VPS41: variants seen among roughly 807,000 people sequenced by gnomAD.
VPS41 encodes the protein VPS41 subunit of HOPS complex.
In VPS41, 85 loss-of-function variants were observed where a neutral mutation model predicts 130.9. That is an observed-to-expected ratio of 0.65 (90% confidence interval 0.55 to 0.78). VPS41 has a LOEUF of 0.78. VPS41 is among the 30% of genes least tolerant of loss of function. The pLI is 0.00. For missense variants in VPS41, 874 were observed against 1,018.7 expected, an observed-to-expected ratio of 0.86 and a Z score of 1.93; for synonymous variants, 335 against 332.9, an observed-to-expected ratio of 1.01 and a Z score of -0.07.
intron 10 of VPS41, among the ~76,000 whole-genome samples, chr7:38,779,605 A>C (rs563126803): frequency 6.6e-6 from 1 of 152,286 alleles, no homozygotes; most frequent in Admixed American, 6.5e-5. Context: ...TTTTAGAATA[A>C]ATGGTGGTGT....
intron 12 of VPS41, 140 bp downstream of exon 12, chr7:38,773,975 G>T: frequency 1.3e-6 from 1 of 790,730 alleles, no homozygotes; most frequent in Non-Finnish European, 1.9e-6. Flanking sequence ...AAATGTCCTT[G>T]TTTTCAGCAC....
intron 2 of VPS41, among the ~76,000 whole-genome samples, chr7:38,887,728 C>A (rs1786766019): frequency 6.6e-6 from 1 of 152,116 alleles, no homozygotes; most frequent in African/African-American, 2.4e-5. Context: ...ACATAATTGT[C>A]AGATTCACCA....
chr7:38,895,537 T>C (rs1786965967), intron 2 of VPS41, among the ~76,000 whole-genome samples: 1 of 152,204 alleles, frequency 6.6e-6, no homozygotes, highest in Non-Finnish European at 1.5e-5. Flanking sequence ...TCTTGGATTT[T>C]CCTGGATAGC....
chr7:38,743,322 T>C, intron 24 of VPS41, 80 bp downstream of exon 24: 4 of 1,531,640 alleles, frequency 2.6e-6, no homozygotes, highest in Non-Finnish European at 3.6e-6. Context: ...CAATGTATCT[T>C]GAAATAGTTT....
intron 2 of VPS41, among the ~76,000 whole-genome samples, chr7:38,885,463 T>C (rs1343883749): frequency 6.6e-6 from 1 of 152,238 alleles, no homozygotes; most frequent in Non-Finnish European, 1.5e-5. Flanking sequence ...CATTTCTGTA[T>C]TATTAATCGC....
intron 25 of VPS41, among the ~76,000 whole-genome samples, chr7:38,734,667 G>T (rs867714133): frequency 6.6e-6 from 1 of 152,158 alleles, no homozygotes. Flanking sequence ...AAGTTATTAT[G>T]GTTCATTAGA....
At chr7:38,745,905 G>A in intron 22 of VPS41, 1 of 321,808 alleles carries the variant, frequency 3.1e-6, no homozygotes, top group Non-Finnish European at 5.7e-6. Context: ...TTCCCACTAA[G>A]CTTTCTCTCT....
At chr7:38,792,161 G>C (rs1448146002) in intron 9 of VPS41, among the ~76,000 whole-genome samples, 1 of 152,144 alleles carries the variant, frequency 6.6e-6, no homozygotes, top group Admixed American at 6.5e-5. Context: ...TGTGGTCTGG[G>C]CTCACCCAGC....
chr7:38,795,750 C>G (rs1033241386), intron 8 of VPS41, 139 bp from the exon 9 acceptor site: 3 of 709,690 alleles, frequency 4.2e-6, no homozygotes, highest in Non-Finnish European at 6.4e-6. Context: ...AAGGAAAATG[C>G]TCCTGCTCCA....
intron 4 of VPS41, among the ~76,000 whole-genome samples, chr7:38,834,817 A>G (rs770901021): frequency 6.6e-6 from 1 of 151,958 alleles, no homozygotes; most frequent in Non-Finnish European, 1.5e-5. Flanking sequence ...AGCTACTCAA[A>G]TGTTCTCATT....
chr7:38,829,650 A>C (rs1584416317), intron 5 of VPS41, among the ~76,000 whole-genome samples: 2 of 152,270 alleles, frequency 1.3e-5, no homozygotes. Flanking sequence ...ATCAGCAAGA[A>C]GCACTGATAA....
intron 7 of VPS41, among the ~76,000 whole-genome samples, chr7:38,809,931 A>C (rs767598227): frequency 6.6e-6 from 1 of 152,192 alleles, no homozygotes; most frequent in Non-Finnish European, 1.5e-5. Flanking sequence ...TAAAAAAAAA[A>C]ATCCAGACAA....
chr7:38,772,025 A>C (rs1048306993), intron 13 of VPS41, among the ~76,000 whole-genome samples: 7 of 152,152 alleles, frequency 4.6e-5, no homozygotes, highest in African/African-American at 1.7e-4. Flanking sequence ...GTAGCTATTA[A>C]AGTTGAAAAA....
chr7:38,850,972 T>C (rs1785841089), intron 4 of VPS41, among the ~76,000 whole-genome samples: 4 of 152,310 alleles, frequency 2.6e-5, no homozygotes, highest in African/African-American at 9.6e-5. Context: ...CAGGGAAATG[T>C]AGCAATCTGC....
Position 38,727,004 on chromosome 7 carries a change from G to A in VPS41, c.2405-16C>T. 1 of 1,516,386 alleles carries A rather than the reference G, an allele frequency of 6.6e-7. No individual in the cohort carries two copies. The allele number at this position is 1,516,386 out of a possible 1,614,324, so 93.9% of individuals were successfully genotyped here. ...TTAGCTGCATCTGGCGAGGAGGGCA[G>A]AGAAAGGAGGAGAACTTAATGCAAC... On this transcript the variant is annotated splice_polypyrimidine_tract_variant and intron_variant, in intron 27 of 28. Transcript: ENST00000310301.
chr7:38,743,037 T>C (rs137888878), intron 24 of VPS41, among the ~76,000 whole-genome samples: 333 of 151,732 alleles, frequency 2.2e-3, no homozygotes, highest in Non-Finnish European at 3.5e-3. Context: ...GTAAGGTCTA[T>C]ACACTTAAAC....
At chr7:38,823,171 T>G (rs1253677301) in intron 5 of VPS41, among the ~76,000 whole-genome samples, 1 of 152,160 alleles carries the variant, frequency 6.6e-6, no homozygotes, top group Non-Finnish European at 1.5e-5. Flanking sequence ...GGAGCCCTCA[T>G]AGGTGAGATT....
rs190064438 is a variant in VPS41 at position 38,877,490 on chromosome 7, T to C, written c.61-8237A>G. ...GCAAATAGAGGTCCTGCAAACTCAGTTGTCAGAAAAACTTACACTTATTTC... is the reference window on the plus strand; with the variant it reads ...GCAAATAGAGGTCCTGCAAACTCAGCTGTCAGAAAAACTTACACTTATTTC... On this transcript the variant is annotated intron_variant, in intron 2 of 28. Transcript: ENST00000310301. Among the ~76,000 whole-genome samples, 25 of 152,302 alleles carry C rather than the reference T, an allele frequency of 1.6e-4. 1 individual carries two copies. The East Asian group carries it at 4.2e-3, about 26-fold the overall frequency.
At chr7:38,886,199 G>A (rs765247154) in intron 2 of VPS41, among the ~76,000 whole-genome samples, 4 of 152,068 alleles carry the variant, frequency 2.6e-5, no homozygotes, top group Non-Finnish European at 4.4e-5. Flanking sequence ...AGGGCAGGGC[G>A]TCACCTCACC....
Sources: gnomAD v4.1 joint callset for allele counts (sites outside exome capture counted in the v4.1 genomes callset) on GRCh38, gnomAD v4.1.1 for gene constraint, MANE v1.5 for transcripts, NCBI Gene and HGNC (gene_info 2026-07-23, HGNC 2026-07-21) for gene names.